G2E3: variants seen among roughly 807,000 people sequenced by gnomAD.
G2E3 encodes the protein G2/M-phase specific E3 ubiquitin protein ligase.
G2E3 carries 35 observed loss-of-function variants against 92.8 expected under a neutral mutation model. That is an observed-to-expected ratio of 0.38 (90% CI 0.29 to 0.50). The LOEUF (loss-of-function observed/expected upper bound fraction) is 0.50. Ranked by LOEUF, G2E3 falls within the 20% of genes least tolerant of loss-of-function variation. G2E3 has a pLI of 0.94. For synonymous variants in G2E3, 242 were observed against 272.4 expected, an observed-to-expected ratio of 0.89 and a Z score of 1.10; for missense variants, 554 against 823.8, an observed-to-expected ratio of 0.67 and a Z score of 4.01.
chr14:30,578,619 T>C (rs1421668125), intron 1 of G2E3, among the ~76,000 whole-genome samples: 1 of 152,204 alleles, frequency 6.6e-6, no homozygotes, highest in Non-Finnish European at 1.5e-5. Flanking sequence ...ACAGTGTAAA[T>C]CTGTATTGTC....
intron 1 of G2E3, among the ~76,000 whole-genome samples, chr14:30,580,141 A>G (rs1484016127): frequency 6.6e-6 from 1 of 152,212 alleles, no homozygotes; most frequent in Non-Finnish European, 1.5e-5. Context: ...GCAGCCCTGT[A>G]TAGAATCCTG....
chr14:30,561,438 A>C (rs1879092264), intron 1 of G2E3, among the ~76,000 whole-genome samples: 1 of 152,158 alleles, frequency 6.6e-6, no homozygotes, highest in South Asian at 2.1e-4. Context: ...CAAATTTCTT[A>C]GCTTTGCTTT....
chr14:30,562,082 T>C (rs991432657), intron 1 of G2E3, among the ~76,000 whole-genome samples: 2 of 152,194 alleles, frequency 1.3e-5, no homozygotes, highest in African/African-American at 4.8e-5. Context: ...AACCATTTTA[T>C]TATCTCTATA....
At position 30,595,791 on chromosome 14, in the gene G2E3, C is replaced by A. The variant is rs543577188; in HGVS notation, c.529-1629C>A. Among the ~76,000 whole-genome samples, 16 of 152,218 alleles carry A rather than the reference C, an allele frequency of 1.1e-4. No individual in the cohort carries two copies. In the South Asian group the frequency reaches 1.5e-3, roughly 14 times the overall value. On this transcript the variant is annotated intron_variant, in intron 6 of 14. Coordinates refer to ENST00000206595, the MANE Select transcript of G2E3 (RefSeq NM_017769.5). ...TAGCTGTATGTGGTTAAACAAATGT[C>A]ATTATTTGTAACCACTACAAATAAT...
chr14:30,579,274 C>T (rs558431005), intron 1 of G2E3, among the ~76,000 whole-genome samples: 1 of 152,120 alleles, frequency 6.6e-6, no homozygotes, highest in African/African-American at 2.4e-5. Context: ...ACTCTAAAGC[C>T]CCCTTAAAAC....
chr14:30,609,296 G>A (rs2045180), intron 12 of G2E3, among the ~76,000 whole-genome samples: 60,568 of 151,756 alleles, frequency 0.4, 12,663 homozygotes, highest in East Asian at 0.67. Context: ...TTTATTTCTT[G>A]TAATCAGGCT....
chr14:30,618,330 T>C lies in G2E3; in HGVS notation c.*1796T>C, dbSNP rs1397111670. 6.6e-6 allele frequency: 1 copy of C among 152,106 alleles called. No homozygotes were observed. The highest frequency in any genetic ancestry group is 1.5e-5 in the Non-Finnish European group (1 of 67,946). The allele number at this position is 152,106 out of a possible 1,614,324, so 9.4% of individuals were successfully genotyped here. Reference sequence around the variant, plus strand: ...ATAAACCCCAAAGTCACCATACAGTTTTTATTCCAAATATGTTGATAAAAA... The same window carrying C: ...ATAAACCCCAAAGTCACCATACAGTCTTTATTCCAAATATGTTGATAAAAA... On this transcript the variant is annotated 3_prime_UTR_variant, in exon 15 of 15. Transcript: ENST00000206595.
intron 1 of G2E3, among the ~76,000 whole-genome samples, chr14:30,578,778 A>G (rs1880263644): frequency 6.6e-6 from 1 of 152,206 alleles, no homozygotes; most frequent in Non-Finnish European, 1.5e-5. Context: ...TGAACTGTAG[A>G]GAAGTCCTTT....
rs114054761 is a variant in G2E3, at chr14:30,595,089, G to A, written c.528+1450G>A. On this transcript the variant is annotated intron_variant, in intron 6 of 14. Transcript: ENST00000206595. ...GGAGGTAGAGGTTGCGGTATGCTGA[G>A]ATAGCACCACTGCACTCCTGTCTGG... Among the ~76,000 whole-genome samples, 846 of 152,200 alleles carry A rather than the reference G, an allele frequency of 5.6e-3. 10 individuals are homozygous for A. Among genetic ancestry groups the A allele is most frequent in the African/African-American group, 0.019 (777 of 41,522 alleles).
At position 30,592,401 on chromosome 14, in the gene G2E3, T is replaced by C; in HGVS notation, c.316T>C (p.Cys106Arg). The C allele has an allele frequency of 1.2e-6, 2 of 1,604,222 alleles. No individual in the cohort carries two copies. Among genetic ancestry groups the C allele is most frequent in the Non-Finnish European group, 1.7e-6 (2 of 1,176,426 alleles). The change falls in exon 5 of 15, where the codon TGT (cysteine) becomes CGT (arginine). Residue 106 changes from cysteine to arginine, a missense_variant. Physicochemically the swap from Cys to Arg is radical, Grantham distance 180. Around this residue, in one of 3 missense-constraint regions of G2E3, gnomAD observed 137 missense variants for 201.3 expected, o/e 0.68. Coordinates refer to ENST00000206595, the MANE Select transcript of G2E3 (RefSeq NM_017769.5). The part of the protein sequence containing the change: ...PRCKRSYHFP[C>R]GLQRECIFQF... ...ATGTAAACGAAGTTATCATTTCCCATGTGGACTTCAGAGAGAATGTATTTT... is the reference window on the plus strand; with the variant it reads ...ATGTAAACGAAGTTATCATTTCCCACGTGGACTTCAGAGAGAATGTATTTT...
rs1057389749 is a variant in G2E3 at position 30,592,441 on chromosome 14, A to G, written c.356A>G (p.Asn119Ser). 1.9e-6 allele frequency: 3 copies of G among 1,578,794 alleles called. No individual in the cohort carries two copies. The highest frequency in any genetic ancestry group is 2.7e-5 in the African/African-American group (2 of 73,080). Residue 119 changes from asparagine to serine, a missense_variant, in exon 5 of 15, where the codon AAT (asparagine) becomes AGT (serine). Coordinates refer to ENST00000206595, the MANE Select transcript of G2E3 (RefSeq NM_017769.5). ...GAATGTATTTTCCAGTTTACTGGCA[A>G]TTTTGCGTGAGTTATTTAACTGTTA... is the stretch of plus-strand genomic sequence containing the variant. The part of the protein sequence containing the change: ...QRECIFQFTG[N>S]FASFCWDHRP...
At chr14:30,580,544 T>A (rs1230051648) in intron 1 of G2E3, among the ~76,000 whole-genome samples, 1 of 152,186 alleles carries the variant, frequency 6.6e-6, no homozygotes, top group African/African-American at 2.4e-5. Context: ...ACGAATGGCA[T>A]GGCTATTGAT....
At chr14:30,588,415 A>G (rs1317908584) in intron 3 of G2E3, among the ~76,000 whole-genome samples, 8 of 151,862 alleles carry the variant, frequency 5.3e-5, no homozygotes, top group Non-Finnish European at 1.0e-4. Context: ...TTTACGATAT[A>G]CTGGTTAAAA....
At position 30,607,999 on chromosome 14, in the gene G2E3, A is replaced by G. The variant is rs183964400; in HGVS notation, c.1430A>G (p.Tyr477Cys). 4.1e-4 allele frequency: 660 copies of G among 1,607,696 alleles called. 3 individuals are homozygous for G. In the Admixed American group the frequency reaches 8.1e-3, roughly 20 times the overall value. The change falls in exon 12 of 15, where the codon TAT becomes TGT. Residue 477 changes from tyrosine (Y) to cysteine (C), a missense_variant. Physicochemically the swap from Tyr to Cys is radical, Grantham distance 194 (BLOSUM62 -2). Transcript: ENST00000206595. The part of the protein sequence containing the change: ...FSKTLFNCLV[Y>C]GPENTQPILD... ...AAAACCTTGTTTAACTGCCTTGTTTATGGACCAGAAAATACCCAGCCAATT... is the reference window on the plus strand; with the variant it reads ...AAAACCTTGTTTAACTGCCTTGTTTGTGGACCAGAAAATACCCAGCCAATT...
At chr14:30,580,359 A>G (rs1880363111) in intron 1 of G2E3, among the ~76,000 whole-genome samples, 1 of 152,128 alleles carries the variant, frequency 6.6e-6, no homozygotes, top group African/African-American at 2.4e-5. Context: ...GGCATGCACC[A>G]CCACGCCCTG....
At chr14:30,581,775 A>G (rs1409062549) in intron 2 of G2E3, among the ~76,000 whole-genome samples, 1 of 152,140 alleles carries the variant, frequency 6.6e-6, no homozygotes, top group African/African-American at 2.4e-5. Context: ...CTTCCCAAAT[A>G]GATGCGGTCC....
At chr14:30,562,607 T>TC (rs1442709413) in intron 1 of G2E3, among the ~76,000 whole-genome samples, 2 of 151,768 alleles carry the variant, frequency 1.3e-5, no homozygotes, top group African/African-American at 4.8e-5. Flanking sequence ...AGTCTCCCTT[T>TC]CCCCGGGGGA....
At chr14:30,615,801 A>G (rs1882286679) in intron 14 of G2E3, among the ~76,000 whole-genome samples, 1 of 152,256 alleles carries the variant, frequency 6.6e-6, no homozygotes, top group South Asian at 2.1e-4. Context: ...AGAAAACATT[A>G]TTGTCACCGC....
chr14:30,598,475 T>C lies in G2E3; in HGVS notation c.636-8T>C. 2 of 1,516,682 alleles carry C rather than the reference T, an allele frequency of 1.3e-6. No individual in the cohort carries two copies. Among genetic ancestry groups the C allele is most frequent in the Non-Finnish European group, 1.8e-6 (2 of 1,091,306 alleles). 94.0% of individuals were successfully genotyped at this position (1,516,682 alleles called of 1,614,324 possible). A position where few individuals can be genotyped will look rare whatever the true frequency, so the allele number is the denominator to read the frequency against. The stretch of plus-strand genomic sequence containing the variant: ...AGGTCAAAGCATATTTTATATCTTC[T>C]TTTATAGAGATGCTTCCTGGGAATT... On this transcript the variant is annotated splice_region_variant and splice_polypyrimidine_tract_variant and intron_variant, in intron 7 of 14. Transcript: ENST00000206595.
Sources: allele counts gnomAD v4.1 joint callset (sites outside exome capture counted in the v4.1 genomes callset), GRCh38; gene constraint gnomAD v4.1.1; regional missense constraint gnomAD v4.1.1; transcripts MANE v1.5; gene names NCBI Gene and HGNC (gene_info 2026-07-23, HGNC 2026-07-21).